VGLL4: variants seen among roughly 807,000 people sequenced by gnomAD.
VGLL4 encodes the protein vestigial like family member 4.
Under a neutral mutation model 21.0 loss-of-function variants are expected in VGLL4, and 7 were observed. The observed-to-expected ratio is 0.33, with a 90% CI of 0.19 to 0.63. VGLL4 has a LOEUF of 0.63. Ranked by LOEUF, VGLL4 falls within the 20% of genes least tolerant of loss-of-function variation. The pLI is 0.78. For missense variants in VGLL4, 394 were observed against 425.7 expected (o/e 0.93, Z 0.66); for synonymous variants, 222 against 173.2 (o/e 1.28, Z -2.21).
At chr3:11,639,924 T>C (rs145199025) in intron 1 of VGLL4, among the ~76,000 whole-genome samples, 17 of 152,000 alleles carry the variant, frequency 1.1e-4, no homozygotes, top group Non-Finnish European at 1.9e-4. Flanking sequence ...CAGCACGGCA[T>C]AGAAGATTCA....
At chr3:11,615,828 A>G (rs17034820) in intron 1 of VGLL4, among the ~76,000 whole-genome samples, 24,247 of 152,180 alleles carry the variant, frequency 0.16, 2,645 homozygotes, top group East Asian at 0.32. Flanking sequence ...AAAGACAGAC[A>G]ATACAATCAG....
chr3:11,645,293 T>C (rs2075771986), upstream of VGLL4, among the ~76,000 whole-genome samples: 2 of 151,986 alleles, frequency 1.3e-5, no homozygotes, highest in Admixed American at 1.3e-4. Context: ...AGTTGTATGT[T>C]AAAAATCCAG....
At chr3:11,590,540 T>C (rs1211633750) in intron 2 of VGLL4, among the ~76,000 whole-genome samples, 1 of 152,214 alleles carries the variant, frequency 6.6e-6, no homozygotes, top group African/African-American at 2.4e-5. Flanking sequence ...AAGGCTCGGA[T>C]CCAGAACTCA....
chr3:11,604,410 C>T, intron 1 of VGLL4: 1 of 957,106 alleles, frequency 1.0e-6, no homozygotes, highest in Middle Eastern at 5.4e-4. Flanking sequence ...GACTGTGCAG[C>T]CTCACACAAG....
intron 2 of VGLL4, among the ~76,000 whole-genome samples, chr3:11,678,156 G>T (rs1375801606): frequency 6.6e-6 from 1 of 152,118 alleles, no homozygotes; most frequent in Non-Finnish European, 1.5e-5. Flanking sequence ...CTGGGTTCAA[G>T]TGATTCTGGT....
At chr3:11,599,551 G>T (rs1396612300) in intron 2 of VGLL4, among the ~76,000 whole-genome samples, 1 of 4,378 alleles carries the variant, frequency 2.3e-4, no homozygotes, top group African/African-American at 1.1e-3. Flanking sequence ...ACAGAGTCTC[G>T]CTCTGTCACC....
At chr3:11,692,048 T>C (rs1238029749) in intron 2 of VGLL4, among the ~76,000 whole-genome samples, 1 of 151,052 alleles carries the variant, frequency 6.6e-6, no homozygotes, top group African/African-American at 2.4e-5. Flanking sequence ...TTAAATTCAA[T>C]TGCAAATGAC....
intron 2 of VGLL4, among the ~76,000 whole-genome samples, chr3:11,592,429 G>A (rs1212155559): frequency 6.6e-6 from 1 of 152,152 alleles, no homozygotes; most frequent in African/African-American, 2.4e-5. Flanking sequence ...AATCCCTGAG[G>A]GAACCCTGGT....
At chr3:11,679,864 T>C (rs1281951414) in intron 2 of VGLL4, among the ~76,000 whole-genome samples, 2 of 152,086 alleles carry the variant, frequency 1.3e-5, no homozygotes. Context: ...AAGAGAGAAA[T>C]ATATTTTAAA....
At chr3:11,684,730 C>CTG (rs61220485) in intron 2 of VGLL4, among the ~76,000 whole-genome samples, 20,435 of 148,690 alleles carry the variant, frequency 0.14, 1,521 homozygotes, top group Admixed American at 0.22. Context: ...CAACCTTTTT[C>CTG]TGTGTGTGTG....
chr3:11,622,293 T>C (rs1482321796), intron 1 of VGLL4, among the ~76,000 whole-genome samples: 1 of 152,202 alleles, frequency 6.6e-6, no homozygotes, highest in Non-Finnish European at 1.5e-5. Flanking sequence ...CATTGCTAGA[T>C]ACCCACCACC....
At chr3:11,583,887 T>C (rs916507558) in intron 2 of VGLL4, among the ~76,000 whole-genome samples, 1 of 152,208 alleles carries the variant, frequency 6.6e-6, no homozygotes, top group Non-Finnish European at 1.5e-5. Context: ...CAGGAGAGGT[T>C]TGGGGGGATG....
At chr3:11,651,851 ATTAT>A (rs2075877438) in intron 2 of VGLL4, among the ~76,000 whole-genome samples, 2 of 152,148 alleles carry the variant, frequency 1.3e-5, no homozygotes, top group Admixed American at 6.5e-5. Flanking sequence ...TAAAATAGTG[ATTAT>A]TTATACAACT....
At chr3:11,561,436 C>T (rs9855241) in intron 3 of VGLL4, among the ~76,000 whole-genome samples, 19,337 of 152,180 alleles carry the variant, frequency 0.13, 1,576 homozygotes, top group Middle Eastern at 0.2. Context: ...TAACCGGTCA[C>T]CTGCAGATGT....
intron 2 of VGLL4, among the ~76,000 whole-genome samples, chr3:11,667,105 T>G (rs943027939): frequency 1.8e-4 from 28 of 152,222 alleles, no homozygotes; most frequent in Non-Finnish European, 4.1e-4. Flanking sequence ...AATTTCTATC[T>G]CTGGCCTCTT....
chr3:11,591,735 G>C (rs1049341820), intron 2 of VGLL4, among the ~76,000 whole-genome samples: 1 of 152,216 alleles, frequency 6.6e-6, no homozygotes, highest in Admixed American at 6.5e-5. Context: ...GCAGATCCAA[G>C]AGTGGCCCTC....
At chr3:11,596,102 G>T (rs934996897) in intron 2 of VGLL4, among the ~76,000 whole-genome samples, 1 of 152,120 alleles carries the variant, frequency 6.6e-6, no homozygotes, top group East Asian at 1.9e-4. Flanking sequence ...CCAGGGAAGG[G>T]AGTAAAAGGT....
chr3:11,605,506 T>C (rs2074919818), intron 1 of VGLL4, among the ~76,000 whole-genome samples: 1 of 151,890 alleles, frequency 6.6e-6, no homozygotes, highest in Admixed American at 6.6e-5. Context: ...TCATCACCAT[T>C]CCACAGAGAA....
chr3:11,697,839 A>C (rs1022269735), intron 2 of VGLL4, among the ~76,000 whole-genome samples: 1 of 152,170 alleles, frequency 6.6e-6, no homozygotes, highest in African/African-American at 2.4e-5. Flanking sequence ...TTCAATAATC[A>C]TCTCCAAACA....
Sources: allele counts gnomAD v4.1 joint callset (sites outside exome capture counted in the v4.1 genomes callset), GRCh38; gene constraint gnomAD v4.1.1; transcripts MANE v1.5; gene names NCBI Gene and HGNC (gene_info 2026-07-23, HGNC 2026-07-21).